Variants in UNC45B observed in about 807,000 individuals in gnomAD.
UNC45B encodes protein unc-45 homolog B.
UNC45B carries 78 observed loss-of-function variants against 98.7 expected under a neutral mutation model. The ratio of observed to expected loss-of-function variants is 0.79; its 90% CI spans 0.66 to 0.95. The LOEUF (loss-of-function observed/expected upper bound fraction) is 0.95. Among genes scored for constraint, UNC45B ranks in the 40% least tolerant of loss-of-function variants. The pLI is 0.00. For synonymous variants in UNC45B, 462 were observed against 480.4 expected, an observed-to-expected ratio of 0.96 and a Z score of 0.50; for missense variants, 1,225 against 1,184.9, an observed-to-expected ratio of 1.03 and a Z score of -0.50.
rs1393408515 is a variant in UNC45B, at chr17:35,177,513, C to T, written c.2158C>T (p.Pro720Ser). 2 of 1,563,560 alleles carry T rather than the reference C, an allele frequency of 1.3e-6. No homozygotes were observed. The highest frequency in any genetic ancestry group is 3.8e-5 in the Admixed American group (2 of 52,976). Residue 720 changes from proline (P) to serine (S), a missense_variant, in exon 17 of 20, where the codon CCC becomes TCC. By Grantham distance (74) the Pro-to-Ser change is moderately conservative. Coordinates refer to ENST00000394570, the MANE Select transcript of UNC45B (RefSeq NM_001267052.2). ...CCAACAGGTGTATGAGGTGGTGCGGCCCCTTGTAAGACTCTTGGACACACA... is the reference window on the plus strand; with the variant it reads ...CCAACAGGTGTATGAGGTGGTGCGGTCCCTTGTAAGACTCTTGGACACACA... Reference protein sequence around the residue: ...PGERVYEVVRPLVRLLDTQRD... With the variant: ...PGERVYEVVRSLVRLLDTQRD...
Position 35,183,459 on chromosome 17 carries a change from C to A in UNC45B, c.2406C>A (p.Asp802Glu), listed in dbSNP as rs1486193124. The change falls in exon 19 of 20, where the codon GAC (aspartate) becomes GAA (glutamate). Residue 802 changes from aspartate (D) to glutamate (E), a missense_variant. Asp to Glu is a conservative substitution (Grantham distance 45, BLOSUM62 2). Transcript: ENST00000394570. Reference protein sequence around the residue: ...VQERFLADGNDRLKLVVLLCG... With the variant: ...VQERFLADGNERLKLVVLLCG... ...AAAGGTTCTTGGCTGACGGGAATGA[C>A]CGGCTGAAGCTGGTGGTGCTGCTCT... The A allele has an allele frequency of 6.3e-7, 1 of 1,598,960 alleles. No individual in the cohort carries two copies. Among genetic ancestry groups the A allele is most frequent in the South Asian group, 1.1e-5 (1 of 88,772 alleles).
intron 12 of UNC45B, among the ~76,000 whole-genome samples, chr17:35,170,545 A>C (rs981291391): frequency 4.6e-5 from 7 of 151,484 alleles, no homozygotes; most frequent in African/African-American, 1.7e-4. Context: ...AAAAAAAAAA[A>C]AAAAAAAAAG....
intron 9 of UNC45B, 110 bp downstream of exon 9, chr17:35,164,276 A>C: frequency 1.5e-6 from 2 of 1,313,612 alleles, no homozygotes; most frequent in Non-Finnish European, 2.0e-6. Flanking sequence ...TTATTATCTC[A>C]CACCAGAACA....
chr17:35,151,928 C>T (rs555735381), intron 4 of UNC45B, among the ~76,000 whole-genome samples: 1 of 151,134 alleles, frequency 6.6e-6, no homozygotes, highest in Admixed American at 6.6e-5. Flanking sequence ...GGGAGAGACG[C>T]TGTTCCTACC....
chr17:35,159,318 C>T (rs933210415), intron 7 of UNC45B, 57 bp from the exon 8 acceptor site: 1 of 1,496,974 alleles, frequency 6.7e-7, no homozygotes, highest in Admixed American at 1.9e-5. Context: ...TCTTCTTGGT[C>T]ATATATATGT....
chr17:35,186,392 G>C lies in UNC45B; in HGVS notation c.2623G>C (p.Ala875Pro), dbSNP rs1597942110. The C allele has an allele frequency of 2.5e-6, 4 of 1,614,226 alleles. No individual in the cohort carries two copies. The highest frequency in any genetic ancestry group is 3.3e-5 in the Admixed American group (2 of 60,022). The change falls in exon 20 of 20, where the codon GCA (alanine) becomes CCA (proline). Residue 875 changes from alanine to proline, a missense_variant. Ala to Pro is a conservative substitution (Grantham distance 27, BLOSUM62 -1). Coordinates refer to ENST00000394570, the MANE Select transcript of UNC45B (RefSeq NM_001267052.2). ...RGLVIAYNLL[A>P]ADAELAKKLV... ...CCTGGTCATTGCCTACAACCTACTG[G>C]CAGCCGATGCTGAGCTGGCCAAGAA...
intron 8 of UNC45B, among the ~76,000 whole-genome samples, chr17:35,159,882 A>G (rs1489926118): frequency 6.6e-6 from 1 of 152,214 alleles, no homozygotes; most frequent in Non-Finnish European, 1.5e-5. Flanking sequence ...GCCTTTCAAA[A>G]GGGAGGAAAT....
At chr17:35,178,873 C>T (rs1355433560) in intron 17 of UNC45B, among the ~76,000 whole-genome samples, 1 of 152,062 alleles carries the variant, frequency 6.6e-6, no homozygotes, top group East Asian at 1.9e-4. Flanking sequence ...ATTTCTGAGG[C>T]CTCTGTTCTG....
chr17:35,151,792 G>A lies in UNC45B; in HGVS notation c.382-1101G>A, dbSNP rs548967900. ...GGATAGGCGAAGGAAAGACCTCTCCGCACCCCCAAAGGAAATGAGCACAAG... is the reference window on the plus strand; with the variant it reads ...GGATAGGCGAAGGAAAGACCTCTCCACACCCCCAAAGGAAATGAGCACAAG... On this transcript the variant is annotated intron_variant, in intron 4 of 19. Transcript: ENST00000394570. 2.8e-3 allele frequency among the ~76,000 whole-genome samples: 422 copies of A among 152,246 alleles called. 4 individuals carry two copies. The highest frequency in any genetic ancestry group is 9.3e-3 in the African/African-American group (386 of 41,528).
chr17:35,171,294 T>G, intron 12 of UNC45B, 28 bp from the exon 13 acceptor site: 1 of 1,606,686 alleles, frequency 6.2e-7, no homozygotes, highest in Non-Finnish European at 8.5e-7. Context: ...CTTTCTGCTT[T>G]CCCTCTCCCC....
intron 9 of UNC45B, among the ~76,000 whole-genome samples, chr17:35,166,111 A>AT (rs2092138902): frequency 8.2e-6 from 1 of 122,170 alleles, no homozygotes; most frequent in African/African-American, 3.3e-5. Flanking sequence ...AAAAAAAAAA[A>AT]TTAAAAATGA....
chr17:35,175,940 C>T (rs1265632553), intron 14 of UNC45B, 28 bp from the exon 15 acceptor site: 20 of 1,610,752 alleles, frequency 1.2e-5, no homozygotes, highest in Non-Finnish European at 1.6e-5. Context: ...GGTGTATTAA[C>T]TGTTCTCCTT....
chr17:35,184,320 T>A (rs2092290886), intron 19 of UNC45B, among the ~76,000 whole-genome samples: 1 of 152,218 alleles, frequency 6.6e-6, no homozygotes, highest in Non-Finnish European at 1.5e-5. Flanking sequence ...GGACTTCAGC[T>A]TCTTTCTCTA....
intron 19 of UNC45B, 62 bp from the exon 20 acceptor site, chr17:35,186,237 C>T (rs1309332242): frequency 1.3e-6 from 2 of 1,585,172 alleles, no homozygotes; most frequent in Non-Finnish European, 1.7e-6. Flanking sequence ...ACATTTCCAA[C>T]ACATGAACTC....
chr17:35,174,154 G>A, intron 13 of UNC45B, 88 bp from the exon 14 acceptor site: 1 of 1,568,510 alleles, frequency 6.4e-7, no homozygotes, highest in Non-Finnish European at 8.7e-7. Flanking sequence ...CCAACCCCAA[G>A]AATTCAGAAA....
intron 8 of UNC45B, among the ~76,000 whole-genome samples, chr17:35,162,280 C>T (rs2092107642): frequency 6.6e-6 from 1 of 152,024 alleles, no homozygotes; most frequent in African/African-American, 2.4e-5. Context: ...GGGATTGAGC[C>T]CTTAACCTGT....
Position 35,188,988 on chromosome 17 carries a change from A to T in UNC45B, c.*2429A>T, listed in dbSNP as rs1421507672. 1 of 151,914 alleles carries T rather than the reference A, an allele frequency of 6.6e-6. No homozygotes were observed. The highest frequency in any genetic ancestry group is 2.4e-5 in the African/African-American group (1 of 41,334). 9.4% of individuals were successfully genotyped at this position (151,914 alleles called of 1,614,324 possible). On this transcript the variant is annotated 3_prime_UTR_variant, in exon 20 of 20. Transcript: ENST00000394570. ...TCAAATAGGCAGATGCTAGCCTGAGATCATCTCTTTATTGAGGTAGTTTGC... is the reference window on the plus strand; with the variant it reads ...TCAAATAGGCAGATGCTAGCCTGAGTTCATCTCTTTATTGAGGTAGTTTGC...
At chr17:35,149,036 C>A in intron 3 of UNC45B, 27 bp downstream of exon 3, 1 of 1,613,918 alleles carries the variant, frequency 6.2e-7, no homozygotes, top group Non-Finnish European at 8.5e-7. Context: ...TCCAAGCTTG[C>A]CCTGTCACAT....
chr17:35,183,601 G>T lies in UNC45B; in HGVS notation c.2529+19G>T. On this transcript the variant is annotated intron_variant, in intron 19 of 19. Coordinates refer to ENST00000394570, the MANE Select transcript of UNC45B (RefSeq NM_001267052.2). The stretch of plus-strand genomic sequence containing the variant: ...TCAAGTGGTAAGAGCTGGCCCTGGG[G>T]ATAGGACGGGCTGGGTGGCTCCAGG... The T allele has an allele frequency of 2.0e-6, 3 of 1,504,496 alleles. No individual in the cohort carries two copies. The highest frequency in any genetic ancestry group is 1.4e-5 in the South Asian group (1 of 72,454). The allele number at this position is 1,504,496 out of a possible 1,614,324, so 93.2% of individuals were successfully genotyped here.
Sources: allele counts gnomAD v4.1 joint callset (sites outside exome capture counted in the v4.1 genomes callset), GRCh38; gene constraint gnomAD v4.1.1; transcripts MANE v1.5; gene names NCBI Gene and HGNC (gene_info 2026-07-23, HGNC 2026-07-21).